APCDD1L: variants seen among roughly 807,000 people sequenced by gnomAD.
APCDD1L encodes protein APCDD1-like.
In APCDD1L, 21 loss-of-function variants were observed where a neutral mutation model predicts 24.2. The observed-to-expected ratio is 0.87, with a 90% confidence interval of 0.61 to 1.25. The LOEUF (loss-of-function observed/expected upper bound fraction) is 1.25. Among genes scored for constraint, APCDD1L ranks in the 50% most tolerant of loss-of-function variants. The pLI is 0.00. For synonymous variants in APCDD1L, 321 were observed against 323.6 expected (o/e 0.99, Z 0.09); for missense variants, 704 against 711.7 (o/e 0.99, Z 0.12).
intron 1 of APCDD1L, among the ~76,000 whole-genome samples, chr20:58,493,782 A>G (rs931155660): frequency 4.6e-5 from 7 of 152,172 alleles, no homozygotes; most frequent in Admixed American, 2.0e-4. Context: ...GCTTTTTGGG[A>G]TGAGGGCTGG....
rs1990564222 is a variant in APCDD1L at position 58,508,529 on chromosome 20, G to A, written c.49+6130C>T. On this transcript the variant is annotated intron_variant, in intron 1 of 3. Transcript: ENST00000371149. This position sits in a 1 kb window ranked among gnomAD's most constrained non-coding sequence, Gnocchi z 4.0. ...ACATCCTCGATTAGATGTTGGCATT[G>A]GTGGTGGGGGGAAGAGATGAGGACA... Among the ~76,000 whole-genome samples the A allele has an allele frequency of 6.6e-6, 1 of 152,200 alleles. No homozygotes were observed. Among genetic ancestry groups the A allele is most frequent in the Admixed American group, 6.5e-5 (1 of 15,274 alleles).
At position 58,460,656 on chromosome 20, in the gene APCDD1L, G is replaced by T; in HGVS notation, c.*134C>A. 1 of 1,182,786 alleles carries T rather than the reference G, an allele frequency of 8.5e-7. No individual in the cohort carries two copies. The highest frequency in any genetic ancestry group is 1.1e-6 in the Non-Finnish European group (1 of 882,542). The allele number at this position is 1,182,786 out of a possible 1,614,324, so 73.3% of individuals were successfully genotyped here. A position where few individuals can be genotyped will look rare whatever the true frequency, so the allele number is the denominator to read the frequency against. ...CTGAGCCACATGGGACACAGGCAGAGTTTGGAAGCAGTGGGGCTGTGCATC... is the reference window on the plus strand; with the variant it reads ...CTGAGCCACATGGGACACAGGCAGATTTTGGAAGCAGTGGGGCTGTGCATC... On this transcript the variant is annotated 3_prime_UTR_variant, in exon 4 of 4. Coordinates refer to ENST00000371149, the MANE Select transcript of APCDD1L (RefSeq NM_153360.3). This position sits in a 1 kb window ranked among gnomAD's most constrained non-coding sequence, Gnocchi z 4.2.
chr20:58,463,090 C>T (rs571243560), intron 3 of APCDD1L, among the ~76,000 whole-genome samples: 4 of 132,694 alleles, frequency 3.0e-5, no homozygotes, highest in African/African-American at 5.8e-5. Context: ...TGCAGTGAGC[C>T]GAGATTGTGC....
chr20:58,480,538 G>A (rs1990004231), intron 1 of APCDD1L, among the ~76,000 whole-genome samples: 1 of 152,194 alleles, frequency 6.6e-6, no homozygotes, highest in African/African-American at 2.4e-5. Flanking sequence ...CTTCATGTTT[G>A]TGTGACATGT....
chr20:58,493,910 CCTAA>C (rs1990271081), intron 1 of APCDD1L, among the ~76,000 whole-genome samples: 1 of 152,214 alleles, frequency 6.6e-6, no homozygotes, highest in Non-Finnish European at 1.5e-5. Flanking sequence ...TCCCCCAAAA[CCTAA>C]CTATTAATAG....
At chr20:58,477,484 C>A (rs1042362640) in intron 1 of APCDD1L, among the ~76,000 whole-genome samples, 25 of 152,280 alleles carry the variant, frequency 1.6e-4, no homozygotes, top group African/African-American at 6.0e-4. Context: ...GTGTATCTTT[C>A]CCAGTGCATC....
Position 58,460,797 on chromosome 20 carries a change from C to A in APCDD1L, c.1499G>T (p.Trp500Leu), listed in dbSNP as rs1445305891. Residue 500 changes from tryptophan (W) to leucine (L), a missense_variant, in exon 4 of 4, where the codon TGG (tryptophan) becomes TTG (leucine). By Grantham distance (61) the Trp-to-Leu change is moderately conservative. Coordinates refer to ENST00000371149, the MANE Select transcript of APCDD1L (RefSeq NM_153360.3). This position sits in a 1 kb window ranked among gnomAD's most constrained non-coding sequence, Gnocchi z 4.2. ...CTGATGTCAAGTCCAATGTCATAGC[C>A]AGTGGAGGAAGGCCAGCCCTAGAAC... is the stretch of plus-strand genomic sequence containing the variant. ...PLVLGLAFLH[W>L]L is the part of the protein sequence containing the mutation. 4 of 1,522,366 alleles carry A rather than the reference C, an allele frequency of 2.6e-6. No homozygotes were observed. The highest frequency in any genetic ancestry group is 2.2e-5 in the Admixed American group (1 of 45,836). The allele number at this position is 1,522,366 out of a possible 1,614,324, so 94.3% of individuals were successfully genotyped here.
Position 58,470,716 on chromosome 20 carries a change from C to A in APCDD1L, c.81G>T (p.Gly27=). The stretch of plus-strand genomic sequence containing the variant: ...GGGGTTCCCAGCGCAGGCAGCTGCC[C>A]CCGGCCTCCCCAGCCGCCGGTGCAG... ...AHTAPAAGEA[G]GSCLRWEPHC... Residue 27 remains glycine, a synonymous_variant, in exon 2 of 4, where the codon GGG becomes GGT. Transcript: ENST00000371149. 6.5e-7 allele frequency: 1 copy of A among 1,542,836 alleles called. No individual in the cohort carries two copies. Among genetic ancestry groups the A allele is most frequent in the East Asian group, 2.4e-5 (1 of 41,124 alleles).
At chr20:58,500,746 CCA>C (rs1377767183) in intron 1 of APCDD1L, among the ~76,000 whole-genome samples, 1 of 152,184 alleles carries the variant, frequency 6.6e-6, no homozygotes, top group Admixed American at 6.5e-5. Context: ...TTCCTCCAGG[CCA>C]CACCTTTGAC....
intron 1 of APCDD1L, among the ~76,000 whole-genome samples, chr20:58,507,148 C>A (rs540259930): frequency 6.6e-6 from 1 of 152,176 alleles, no homozygotes. Context: ...ATAAGTCTCA[C>A]GAGATCTGAT....
At chr20:58,475,297 G>A (rs1054376759) in intron 1 of APCDD1L, among the ~76,000 whole-genome samples, 2 of 152,250 alleles carry the variant, frequency 1.3e-5, no homozygotes, top group Non-Finnish European at 2.9e-5. Context: ...AGGCACGAAC[G>A]AACACAGGGT....
chr20:58,514,142 G>T (rs572652070), intron 1 of APCDD1L, among the ~76,000 whole-genome samples: 4 of 152,254 alleles, frequency 2.6e-5, no homozygotes, highest in African/African-American at 7.2e-5. Context: ...CCTTTGTCAG[G>T]CCTGCTGGGC....
At chr20:58,468,374 G>A (rs1000659750) in intron 2 of APCDD1L, among the ~76,000 whole-genome samples, 1 of 152,132 alleles carries the variant, frequency 6.6e-6, no homozygotes, top group Non-Finnish European at 1.5e-5. Context: ...AACAGATCCA[G>A]GGGAAGGGGT....
At chr20:58,484,404 C>T (rs1333326872) in intron 1 of APCDD1L, among the ~76,000 whole-genome samples, 1 of 152,186 alleles carries the variant, frequency 6.6e-6, no homozygotes, top group African/African-American at 2.4e-5. Context: ...ACTTCCATCT[C>T]TACAACAATG....
intron 1 of APCDD1L, among the ~76,000 whole-genome samples, chr20:58,496,224 T>C (rs901305103): frequency 1.3e-5 from 2 of 152,174 alleles, no homozygotes; most frequent in Middle Eastern, 3.2e-3. Flanking sequence ...GGAGGGACTG[T>C]GACAGTGGGG....
chr20:58,469,465 T>C (rs903946376), intron 2 of APCDD1L, among the ~76,000 whole-genome samples: 9 of 152,272 alleles, frequency 5.9e-5, no homozygotes, highest in African/African-American at 2.2e-4. Flanking sequence ...AAGGTCAGTC[T>C]GGAGAGCATG....
chr20:58,472,716 C>T (rs939576766), intron 1 of APCDD1L, among the ~76,000 whole-genome samples: 14 of 152,246 alleles, frequency 9.2e-5, no homozygotes, highest in Admixed American at 9.2e-4. Flanking sequence ...CACACCGACT[C>T]ATCAGCACTT....
chr20:58,467,277 G>A lies in APCDD1L; in HGVS notation c.570C>T (p.Gly190=). The change falls in exon 3 of 4, where the codon GGC becomes GGT. Residue 190 remains glycine (G), a synonymous_variant. Coordinates refer to ENST00000371149, the MANE Select transcript of APCDD1L (RefSeq NM_153360.3). The surrounding 1 kb of genome is among the most constrained non-coding windows in gnomAD (Gnocchi z 5.9). ...CCAGGCTGAGCTCGTGCATGGTGAG[G>A]CCCAGCGCCTCCAGGCAGTCCCCCT... ...RAQGDCLEAL[G]LTMHELSLVR... is the part of the protein sequence containing the mutation. 7.0e-6 allele frequency: 11 copies of A among 1,563,112 alleles called. No individual in the cohort carries two copies. The highest frequency in any genetic ancestry group is 9.5e-6 in the Non-Finnish European group (11 of 1,161,144).
intron 1 of APCDD1L, among the ~76,000 whole-genome samples, chr20:58,507,624 TA>T (rs1320617053): frequency 3.9e-5 from 6 of 152,080 alleles, no homozygotes; most frequent in Admixed American, 3.9e-4. Flanking sequence ...ATACACTTGC[TA>T]ATAGCCCATG....
Sources: allele counts gnomAD v4.1 joint callset (sites outside exome capture counted in the v4.1 genomes callset), GRCh38; gene constraint gnomAD v4.1.1; non-coding constraint Gnocchi (gnomAD v3.1); transcripts MANE v1.5; gene names NCBI Gene and HGNC (gene_info 2026-07-23, HGNC 2026-07-21).